LSAMP: variants seen among roughly 807,000 people sequenced by gnomAD.
The protein encoded by LSAMP is limbic system-associated membrane protein.
LSAMP carries 7 observed loss-of-function variants against 38.6 expected under a neutral mutation model. That is an observed-to-expected ratio of 0.18 (90% CI 0.10 to 0.34). LSAMP has a LOEUF of 0.34. LSAMP is among the 10% of genes least tolerant of loss of function. The pLI, the probability that LSAMP is intolerant of heterozygous loss-of-function variation, is 1.00. For missense variants in LSAMP, 313 were observed against 420.0 expected, an observed-to-expected ratio of 0.75 and a Z score of 2.23; for synonymous variants, 154 against 166.8, an observed-to-expected ratio of 0.92 and a Z score of 0.59.
chr3:116,418,307 A>G (rs1177361057), intron 1 of LSAMP, among the ~76,000 whole-genome samples: 2 of 152,146 alleles, frequency 1.3e-5, no homozygotes, highest in African/African-American at 2.4e-5. Context: ...TTTCAATGTC[A>G]TCTCAAACTC....
At chr3:115,812,498 G>A (rs530675436) in intron 6 of LSAMP, among the ~76,000 whole-genome samples, 9 of 152,058 alleles carry the variant, frequency 5.9e-5, no homozygotes, top group Non-Finnish European at 7.4e-5. Flanking sequence ...ACCCTTTTTG[G>A]ACTTTTGGGA....
intron 3 of LSAMP, among the ~76,000 whole-genome samples, chr3:116,008,196 G>A (rs1940219034): frequency 6.6e-6 from 1 of 152,038 alleles, no homozygotes; most frequent in Non-Finnish European, 1.5e-5. Context: ...TTTCACTTTA[G>A]GCAAATCAAC....
intron 2 of LSAMP, among the ~76,000 whole-genome samples, chr3:116,076,918 AT>A (rs927097005): frequency 6.6e-6 from 1 of 151,974 alleles, no homozygotes; most frequent in African/African-American, 2.4e-5. Flanking sequence ...GTGAATGACC[AT>A]TTTTAGTATA....
chr3:115,834,104 T>A (rs1290760056), intron 6 of LSAMP, among the ~76,000 whole-genome samples: 1 of 152,122 alleles, frequency 6.6e-6, no homozygotes, highest in Non-Finnish European at 1.5e-5. Context: ...ATAATCCGGT[T>A]GAGTTGATTA....
chr3:116,034,853 T>C (rs1941012332), intron 2 of LSAMP, among the ~76,000 whole-genome samples: 1 of 152,160 alleles, frequency 6.6e-6, no homozygotes, highest in South Asian at 2.1e-4. Flanking sequence ...AAGCTAAGGT[T>C]TAAGCCTCAA....
intron 2 of LSAMP, among the ~76,000 whole-genome samples, chr3:116,058,732 T>C (rs1941536579): frequency 6.6e-6 from 1 of 152,212 alleles, no homozygotes; most frequent in Non-Finnish European, 1.5e-5. Context: ...GTTCATATTT[T>C]AGATACTCAA....
chr3:116,326,497 T>C (rs905815826), intron 1 of LSAMP, among the ~76,000 whole-genome samples: 1 of 151,924 alleles, frequency 6.6e-6, no homozygotes, highest in Admixed American at 6.6e-5. Flanking sequence ...TAGAGTGCAA[T>C]GCAGCAATGG....
intron 3 of LSAMP, among the ~76,000 whole-genome samples, chr3:115,854,893 A>T (rs1935458476): frequency 6.6e-6 from 1 of 152,256 alleles, no homozygotes; most frequent in Non-Finnish European, 1.5e-5. Context: ...GGTAGAATAG[A>T]AAGTAAGATA....
At chr3:116,202,652 G>A (rs1055992398) in intron 1 of LSAMP, among the ~76,000 whole-genome samples, 5 of 151,824 alleles carry the variant, frequency 3.3e-5, no homozygotes, top group African/African-American at 1.2e-4. Flanking sequence ...TAGAACTTTG[G>A]GGCTCAAGTG....
At chr3:116,440,724 G>A (rs1307273081) in intron 1 of LSAMP, among the ~76,000 whole-genome samples, 9 of 152,132 alleles carry the variant, frequency 5.9e-5, no homozygotes, top group Admixed American at 5.9e-4. Context: ...AAGTATATTT[G>A]ATAAAGGATT....
At chr3:115,873,184 A>C (rs1207185033) in intron 3 of LSAMP, among the ~76,000 whole-genome samples, 1 of 152,056 alleles carries the variant, frequency 6.6e-6, no homozygotes, top group Non-Finnish European at 1.5e-5. Flanking sequence ...AGCCTGGCCA[A>C]CATGACGAAA....
At position 116,407,503 on chromosome 3, in the gene LSAMP, A is replaced by T. The variant is rs141898807; in HGVS notation, c.155+37374T>A. Reference sequence around the variant, plus strand: ...ACCAGTAAGGATACAGCAAGATTCTATTCTTCATCTTCAGGCCTTTGCAAG... The same window carrying T: ...ACCAGTAAGGATACAGCAAGATTCTTTTCTTCATCTTCAGGCCTTTGCAAG... On this transcript the variant is annotated intron_variant, in intron 1 of 6. Transcript: ENST00000490035. Among the ~76,000 whole-genome samples, 937 of 152,164 alleles carry T rather than the reference A, an allele frequency of 6.2e-3. 9 individuals carry two copies. The highest frequency in any genetic ancestry group is 0.021 in the African/African-American group (890 of 41,536).
chr3:116,431,718 T>C (rs1178355656), intron 1 of LSAMP, among the ~76,000 whole-genome samples: 1 of 152,022 alleles, frequency 6.6e-6, no homozygotes, highest in Admixed American at 6.6e-5. Context: ...ATAGCATAAT[T>C]TTGAGAATTT....
intron 3 of LSAMP, among the ~76,000 whole-genome samples, chr3:115,957,908 A>G (rs1231059643): frequency 1.3e-5 from 2 of 152,030 alleles, no homozygotes; most frequent in Non-Finnish European, 2.9e-5. Flanking sequence ...TTTTTATCCA[A>G]CATTTCTAGG....
rs1379011208 is a variant in LSAMP, at chr3:115,804,782, G to A, written c.*5535C>T. 1 of 152,038 alleles carries A rather than the reference G, an allele frequency of 6.6e-6. No homozygotes were observed. The highest frequency in any genetic ancestry group is 1.5e-5 in the Non-Finnish European group (1 of 68,024). The allele number at this position is 152,038 out of a possible 1,614,324, so 9.4% of individuals were successfully genotyped here. ...TTACACGTGTCAGGCACTTCAAAAAGACTCCAAGAGAACATGCCTGAGAAA... is the reference window on the plus strand; with the variant it reads ...TTACACGTGTCAGGCACTTCAAAAAAACTCCAAGAGAACATGCCTGAGAAA... On this transcript the variant is annotated 3_prime_UTR_variant, in exon 7 of 7. Coordinates refer to ENST00000490035, the MANE Select transcript of LSAMP (RefSeq NM_002338.5).
intron 1 of LSAMP, among the ~76,000 whole-genome samples, chr3:116,166,727 C>G (rs1437029243): frequency 6.6e-6 from 1 of 151,178 alleles, no homozygotes; most frequent in African/African-American, 2.4e-5. Flanking sequence ...GACCTGATGT[C>G]ACATCATCAA....
At chr3:116,182,445 T>C (rs1461135) in intron 1 of LSAMP, among the ~76,000 whole-genome samples, 75,503 of 151,102 alleles carry the variant, frequency 0.5, 21,347 homozygotes, top group East Asian at 0.74. Context: ...CTCATGAAAC[T>C]TAGAGCCTAA....
chr3:116,156,825 T>A (rs12695322), intron 1 of LSAMP, among the ~76,000 whole-genome samples: 80,599 of 151,930 alleles, frequency 0.53, 22,473 homozygotes, highest in East Asian at 0.76. Context: ...AAAATGTGGT[T>A]GGTTGTCTTA....
rs375747903 is a variant in LSAMP at position 115,852,512 on chromosome 3, T to A, written c.620A>T (p.Asp207Val). The A allele has an allele frequency of 5.6e-6, 9 of 1,612,674 alleles. No homozygotes were observed. Among genetic ancestry groups the A allele is most frequent in the Non-Finnish European group, 6.8e-6 (8 of 1,179,432 alleles). Residue 207 changes from aspartate to valine, a missense_variant, in exon 4 of 7, where the codon GAT becomes GTT. Physicochemically the swap from Asp to Val is radical, Grantham distance 152. Transcript: ENST00000490035. ...CKAANEVSSA[D>V]VKQVKVTVNY... is the part of the protein sequence containing the mutation. ...CACAGTGACCTTGACTTGTTTGACATCCGCCGAGGAGACCTCGTTGGCAGC... is the reference window on the plus strand; with the variant it reads ...CACAGTGACCTTGACTTGTTTGACAACCGCCGAGGAGACCTCGTTGGCAGC...
Sources: gnomAD v4.1 joint callset for allele counts (sites outside exome capture counted in the v4.1 genomes callset) on GRCh38, gnomAD v4.1.1 for gene constraint, MANE v1.5 for transcripts, NCBI Gene and HGNC (gene_info 2026-07-23, HGNC 2026-07-21) for gene names.